The following FBN1 variants were observed in gnomAD, a reference collection of about 807,000 sequenced individuals.
FBN1 encodes fibrillin-1.
FBN1 carries 29 observed loss-of-function variants against 365.1 expected under a neutral mutation model. The ratio of observed to expected loss-of-function variants is 0.08; its 90% CI spans 0.06 to 0.11. FBN1 has a LOEUF of 0.11. Among genes scored for constraint, FBN1 ranks in the 10% least tolerant of loss-of-function variants. The pLI is 1.00. For synonymous variants in FBN1, 1,210 were observed against 1,270.5 expected, an observed-to-expected ratio of 0.95 and a Z score of 1.01; for missense variants, 2,476 against 3,703.2, an observed-to-expected ratio of 0.67 and a Z score of 8.60.
At chr15:48,428,298 C>T in intron 57 of FBN1, 48 bp downstream of exon 57, 1 of 1,609,714 alleles carries the variant, frequency 6.2e-7, no homozygotes, top group Non-Finnish European at 8.5e-7. Context: ...TTCCAGCATC[C>T]CAGTGTGGAG....
chr15:48,468,593 C>T (rs1370014508), intron 36 of FBN1, 59 bp from the exon 37 acceptor site: 1 of 1,593,826 alleles, frequency 6.3e-7, no homozygotes, highest in East Asian at 2.2e-5. Context: ...CAGACATCAC[C>T]ATAAAAGAAC....
chr15:48,434,888 T>C (rs2043053919), intron 53 of FBN1, among the ~76,000 whole-genome samples, 175 bp from the exon 54 acceptor site: 1 of 152,180 alleles, frequency 6.6e-6, no homozygotes, highest in Non-Finnish European at 1.5e-5. Context: ...ACTCTGCCTC[T>C]CAGGTTCAAG....
intron 12 of FBN1, among the ~76,000 whole-genome samples, chr15:48,514,653 A>T (rs1302989159): frequency 1.3e-5 from 2 of 152,192 alleles, no homozygotes; most frequent in African/African-American, 2.4e-5. Flanking sequence ...ATTTAAAATA[A>T]CTAGTCTAAG....
At chr15:48,565,232 A>G (rs2044251467) in intron 6 of FBN1, among the ~76,000 whole-genome samples, 1 of 152,174 alleles carries the variant, frequency 6.6e-6, no homozygotes, top group Non-Finnish European at 1.5e-5. Flanking sequence ...AAATAGATAC[A>G]TGAAAAGTTC....
intron 4 of FBN1, among the ~76,000 whole-genome samples, chr15:48,609,138 A>G (rs1380521401): frequency 6.6e-6 from 1 of 152,218 alleles, no homozygotes; most frequent in African/African-American, 2.4e-5. Context: ...GCATGTTCCC[A>G]GATGTGCTGC....
intron 2 of FBN1, chr15:48,641,911 C>T (rs1412728773): frequency 2.0e-5 from 3 of 152,108 alleles, no homozygotes; most frequent in African/African-American, 7.2e-5. Flanking sequence ...TTGGGGTTTG[C>T]TTAAAATCTA....
rs778372635 is a variant in FBN1, at chr15:48,510,159, C to T, written c.1599G>A (p.Glu533=). 24 of 1,613,148 alleles carry T rather than the reference C, an allele frequency of 1.5e-5. No individual in the cohort carries two copies. Among genetic ancestry groups the T allele is most frequent in the East Asian group, 2.2e-5 (1 of 44,850 alleles). The change falls in exon 14 of 66, where the codon GAG becomes GAA. Residue 533 remains glutamate (E), a synonymous_variant. Coordinates refer to ENST00000316623, the MANE Select transcript of FBN1 (RefSeq NM_000138.5). ...LTRTECRDID[E]CLQNGRICNN... is the part of the protein sequence containing the mutation. The stretch of plus-strand genomic sequence containing the variant: ...TGCAGATCCGGCCATTCTGTAAACA[C>T]TCATCAATGTCTAAAATCAAAGTTT...
At chr15:48,434,570 C>T (rs201336255) in intron 54 of FBN1, 24 bp downstream of exon 54, 1 of 1,613,172 alleles carries the variant, frequency 6.2e-7, no homozygotes, top group Non-Finnish European at 8.5e-7. Flanking sequence ...ACGTAATCAA[C>T]TGTTCTCTGT....
chr15:48,500,727 C>G (rs2043647497), intron 17 of FBN1, among the ~76,000 whole-genome samples: 1 of 152,176 alleles, frequency 6.6e-6, no homozygotes, highest in African/African-American at 2.4e-5. Context: ...CAATTACACT[C>G]CCGTGGGTTT....
At chr15:48,544,629 G>C (rs1034806208) in intron 6 of FBN1, among the ~76,000 whole-genome samples, 2 of 152,222 alleles carry the variant, frequency 1.3e-5, no homozygotes, top group African/African-American at 4.8e-5. Flanking sequence ...CCAGGCCATA[G>C]TTCTGTGGGA....
chr15:48,533,344 A>C (rs1312567675), intron 8 of FBN1, among the ~76,000 whole-genome samples: 1 of 152,192 alleles, frequency 6.6e-6, no homozygotes, highest in Non-Finnish European at 1.5e-5. Context: ...TGCACTCATC[A>C]AAGAAAAGAG....
chr15:48,458,708 G>T (rs1336148202), intron 43 of FBN1, among the ~76,000 whole-genome samples: 2 of 152,094 alleles, frequency 1.3e-5, no homozygotes, highest in African/African-American at 4.8e-5. Flanking sequence ...TTTCCTGTCA[G>T]GATTTTATTT....
Position 48,526,237 on chromosome 15 carries a change from G to C in FBN1, c.881C>G (p.Thr294Ser), listed in dbSNP as rs1390856365. 6.2e-7 allele frequency: 1 copy of C among 1,614,022 alleles called. No individual in the cohort carries two copies. Among genetic ancestry groups the C allele is most frequent in the South Asian group, 1.1e-5 (1 of 91,076 alleles). The change falls in exon 9 of 66, where the codon ACC becomes AGC. Residue 294 changes from threonine to serine, a missense_variant. By Grantham distance (58) the Thr-to-Ser change is moderately conservative. Around this residue, in one of 5 missense-constraint regions of FBN1, gnomAD observed 421 missense variants for 520.1 expected, o/e 0.81. Transcript: ENST00000316623. Reference sequence around the variant, plus strand: ...ACCCCCTTCACAGATTCCAGGAATGGTGCTGCATTCATCAATATCTGGAAT... The same window carrying C: ...ACCCCCTTCACAGATTCCAGGAATGCTGCTGCATTCATCAATATCTGGAAT... ...QKCEDIDECS[T>S]IPGICEGGEC... is the part of the protein sequence containing the mutation.
chr15:48,418,634 AT>A (rs1380278638), intron 63 of FBN1, among the ~76,000 whole-genome samples: 1 of 152,098 alleles, frequency 6.6e-6, no homozygotes, highest in Admixed American at 6.5e-5. Flanking sequence ...TCCACAAGGA[AT>A]TTTTTTACAC....
chr15:48,430,548 T>A (rs992037902), intron 56 of FBN1, 123 bp downstream of exon 56: 1 of 1,060,722 alleles, frequency 9.4e-7, no homozygotes. Context: ...AGTCCTGACA[T>A]GCGGTTAAGA....
At position 48,645,142 on chromosome 15, in the gene FBN1, G is replaced by A. The variant is rs2070768; in HGVS notation, c.-181-192C>T. 0.54 allele frequency among the ~76,000 whole-genome samples: 82,446 copies of A among 152,240 alleles called. 25,754 individuals carry two copies. Among genetic ancestry groups the A allele is most frequent in the Non-Finnish European group, 0.7 (47,287 of 67,996 alleles). On this transcript the variant is annotated intron_variant, in intron 1 of 65. Coordinates refer to ENST00000316623, the MANE Select transcript of FBN1 (RefSeq NM_000138.5). ...GCCCCCGGCGGCAGCAGCCCCGGCC[G>A]ATCCCTCGGCCTCCCGGGCCCCGCC...
At chr15:48,470,542 T>C in intron 36 of FBN1, 92 bp downstream of exon 36, 2 of 1,565,330 alleles carry the variant, frequency 1.3e-6, no homozygotes, top group Non-Finnish European at 1.8e-6. Flanking sequence ...TCTTGTCTTC[T>C]GTGACGGCCC....
intron 17 of FBN1, 110 bp downstream of exon 17, chr15:48,503,677 G>C: frequency 7.0e-7 from 1 of 1,431,456 alleles, no homozygotes; most frequent in Non-Finnish European, 9.8e-7. Flanking sequence ...GAAGGCACAT[G>C]GCGTACCTGG....
At chr15:48,416,064 T>C (rs2042901493) in intron 63 of FBN1, among the ~76,000 whole-genome samples, 1 of 152,164 alleles carries the variant, frequency 6.6e-6, no homozygotes, top group Admixed American at 6.5e-5. Context: ...CCAGTTCTCA[T>C]CAGAAGTCAA....
Sources: allele counts gnomAD v4.1 joint callset (sites outside exome capture counted in the v4.1 genomes callset), GRCh38; gene constraint gnomAD v4.1.1; regional missense constraint gnomAD v4.1.1; transcripts MANE v1.5; gene names NCBI Gene and HGNC (gene_info 2026-07-23, HGNC 2026-07-21).